RANBP3: variants seen among roughly 807,000 people sequenced by gnomAD.
RANBP3 encodes the protein RAN binding protein 3, also known as ran-binding protein 3.
Under a neutral mutation model 77.3 loss-of-function variants are expected in RANBP3, and 14 were observed. The ratio of observed to expected loss-of-function variants is 0.18; its 90% CI spans 0.12 to 0.28. The LOEUF is 0.28. Ranked by LOEUF, RANBP3 falls within the 10% of genes least tolerant of loss-of-function variation. The pLI is 1.00. For missense variants in RANBP3, 586 were observed against 752.3 expected, an observed-to-expected ratio of 0.78 and a Z score of 2.59; for synonymous variants, 315 against 312.4, an observed-to-expected ratio of 1.01 and a Z score of -0.09.
rs1023541101 is a variant in RANBP3, at chr19:5,948,994, C to A, written c.282+2399G>T. ...GATATATAGAGACTTTTTCCTGGTA[C>A]TGACTCTTCCATGGCCAGGGTTCTG... On this transcript the variant is annotated intron_variant, in intron 3 of 16. Transcript: ENST00000340578. Among the ~76,000 whole-genome samples, 5 of 152,198 alleles carry A rather than the reference C, an allele frequency of 3.3e-5. No individual in the cohort carries two copies. The South Asian group carries it at 1.0e-3, about 32-fold the overall frequency.
At chr19:5,951,635 A>T in intron 2 of RANBP3, 39 bp from the exon 3 acceptor site, 1 of 1,573,208 alleles carries the variant, frequency 6.4e-7, no homozygotes, top group Non-Finnish European at 8.7e-7. Context: ...AATGTGAATA[A>T]AGGCTGCATC....
Position 5,928,098 on chromosome 19 carries a change from CCAAAA to C in RANBP3, c.694-16_694-12del. 6.2e-7 allele frequency: 1 copy of C among 1,606,290 alleles called. No homozygotes were observed. Among genetic ancestry groups the C allele is most frequent in the South Asian group, 1.1e-5 (1 of 89,808 alleles). ...CTGGGGCTCTTTCTCCTATCAAAAA[CCAAAA>C]CAAAACAGAGTAATCAAAACCAGTG... On this transcript the variant is annotated splice_polypyrimidine_tract_variant and intron_variant, in intron 8 of 16. Transcript: ENST00000340578.
At chr19:5,949,040 G>C (rs2058243055) in intron 3 of RANBP3, among the ~76,000 whole-genome samples, 1 of 152,212 alleles carries the variant, frequency 6.6e-6, no homozygotes, top group African/African-American at 2.4e-5. Flanking sequence ...AAGATGGTAA[G>C]GGCCCTTTAC....
intron 1 of RANBP3, chr19:5,974,435 G>A (rs2058565300): frequency 6.6e-6 from 1 of 152,120 alleles, no homozygotes; most frequent in Non-Finnish European, 1.5e-5. Flanking sequence ...CATAACCCTA[G>A]AGACAGGATG....
intron 8 of RANBP3, among the ~76,000 whole-genome samples, chr19:5,929,013 G>A (rs1002400044): frequency 1.3e-5 from 2 of 152,178 alleles, no homozygotes; most frequent in African/African-American, 4.8e-5. Flanking sequence ...CCTGACAACC[G>A]TGAACTCGGA....
chr19:5,918,101 AGGCCATT>A (rs988648198), intron 15 of RANBP3, 121 bp from the exon 16 acceptor site: 2 of 1,154,658 alleles, frequency 1.7e-6, no homozygotes, highest in African/African-American at 3.1e-5. Flanking sequence ...CCTTGTGGGG[AGGCCATT>A]GGCCCTGGGC....
chr19:5,927,682 G>T (rs2057930646), intron 9 of RANBP3, among the ~76,000 whole-genome samples: 1 of 152,236 alleles, frequency 6.6e-6, no homozygotes, highest in South Asian at 2.1e-4. Context: ...TGAGGCCTCA[G>T]GTTCAGTCAC....
intron 6 of RANBP3, chr19:5,932,815 C>T: frequency 2.1e-6 from 1 of 475,902 alleles, no homozygotes; most frequent in Non-Finnish European, 3.8e-6. Context: ...CCGGCAGACT[C>T]AACAGTCAAG....
intron 1 of RANBP3, among the ~76,000 whole-genome samples, chr19:5,960,285 C>T (rs955034523): frequency 6.6e-6 from 1 of 152,202 alleles, no homozygotes; most frequent in Admixed American, 6.5e-5. Flanking sequence ...GATTTCTGCC[C>T]CTTGTCGCTA....
chr19:5,964,504 C>T (rs1474408252), intron 1 of RANBP3, among the ~76,000 whole-genome samples: 5 of 152,186 alleles, frequency 3.3e-5, no homozygotes, highest in East Asian at 3.9e-4. Flanking sequence ...TCTGGAGACA[C>T]GTCCCTGTCT....
intron 1 of RANBP3, among the ~76,000 whole-genome samples, chr19:5,967,515 C>T (rs992571773): frequency 3.3e-5 from 5 of 152,158 alleles, no homozygotes; most frequent in African/African-American, 7.2e-5. Flanking sequence ...TCATCATAGA[C>T]GCATCCCCAT....
chr19:5,964,887 G>A (rs1441297206), intron 1 of RANBP3, among the ~76,000 whole-genome samples: 1 of 132,816 alleles, frequency 7.5e-6, no homozygotes, highest in Non-Finnish European at 1.7e-5. Flanking sequence ...GGTCACCTCC[G>A]CCCTTCCCTG....
intron 9 of RANBP3, 42 bp downstream of exon 9, chr19:5,927,926 A>G (rs1167502692): frequency 1.3e-6 from 2 of 1,571,946 alleles, no homozygotes; most frequent in Non-Finnish European, 1.7e-6. Context: ...GAACCTGGGG[A>G]AGGCATAAAA....
At chr19:5,968,699 A>G (rs761640941) in intron 1 of RANBP3, among the ~76,000 whole-genome samples, 1 of 152,162 alleles carries the variant, frequency 6.6e-6, no homozygotes, top group African/African-American at 2.4e-5. Context: ...GGAATGCCTG[A>G]GCCCTTCTGA....
chr19:5,927,539 C>A (rs1007920868), intron 9 of RANBP3, among the ~76,000 whole-genome samples: 1 of 152,214 alleles, frequency 6.6e-6, no homozygotes, highest in Non-Finnish European at 1.5e-5. Context: ...GGCGACTCCT[C>A]AGAAACTAAG....
intron 2 of RANBP3, among the ~76,000 whole-genome samples, chr19:5,951,968 A>G (rs2058282168): frequency 6.6e-6 from 1 of 152,152 alleles, no homozygotes. Flanking sequence ...AGGATCTCAA[A>G]AATACTGAAG....
At chr19:5,931,618 T>C (rs1217376305) in intron 7 of RANBP3, 87 bp from the exon 8 acceptor site, 2 of 1,441,560 alleles carry the variant, frequency 1.4e-6, no homozygotes, top group East Asian at 2.4e-5. Context: ...GGGCCACGTC[T>C]AGTCTAGGGC....
chr19:5,973,717 G>C (rs2058556145), intron 1 of RANBP3, among the ~76,000 whole-genome samples: 1 of 152,242 alleles, frequency 6.6e-6, no homozygotes, highest in African/African-American at 2.4e-5. Context: ...AGCTGAATGT[G>C]TCCAGAGCAG....
chr19:5,944,882 C>T (rs1338664774), intron 3 of RANBP3, among the ~76,000 whole-genome samples: 9 of 152,180 alleles, frequency 5.9e-5, no homozygotes, highest in Non-Finnish European at 1.3e-4. Context: ...GTACCAAAAC[C>T]CTTACACGGT....
Sources: allele counts gnomAD v4.1 joint callset (sites outside exome capture counted in the v4.1 genomes callset), GRCh38; gene constraint gnomAD v4.1.1; transcripts MANE v1.5; gene names NCBI Gene and HGNC (gene_info 2026-07-23, HGNC 2026-07-21).